The following PHACTR3 variants were observed in gnomAD, a reference collection of about 807,000 sequenced individuals.
PHACTR3 encodes phosphatase and actin regulator 3, also known as protein phosphatase 1, regulatory subunit 123.
PHACTR3 carries 16 observed loss-of-function variants against 66.8 expected under a neutral mutation model. The observed-to-expected ratio is 0.24, with a 90% CI of 0.16 to 0.36. PHACTR3 has a LOEUF of 0.36. Among genes scored for constraint, PHACTR3 ranks in the 10% least tolerant of loss-of-function variants. PHACTR3 has a pLI of 1.00. For missense variants in PHACTR3, 647 were observed against 719.9 expected, an observed-to-expected ratio of 0.90 and a Z score of 1.16; for synonymous variants, 323 against 292.1, an observed-to-expected ratio of 1.11 and a Z score of -1.08.
chr20:59,841,476 G>C lies in PHACTR3; in HGVS notation c.1528G>C (p.Ala510Pro). ...RFSDYVEVAK[A>P]QDYDRRADKP... ...CAGTGATTACGTGGAAGTAGCAAAA[G>C]CGCAGGACTATGACAGGAGGGCAGA... Residue 510 changes from alanine to proline, a missense_variant, in exon 11 of 13, where the codon GCG becomes CCG. Ala to Pro is a conservative substitution (Grantham distance 27, BLOSUM62 -1). Around this residue, in one of 2 missense-constraint regions of PHACTR3, gnomAD observed 70 missense variants for 148.8 expected, o/e 0.47. Coordinates refer to ENST00000371015, the MANE Select transcript of PHACTR3 (RefSeq NM_080672.5). 1 of 1,613,698 alleles carries C rather than the reference G, an allele frequency of 6.2e-7. No individual in the cohort carries two copies. Among genetic ancestry groups the C allele is most frequent in the Non-Finnish European group, 8.5e-7 (1 of 1,179,748 alleles).
intron 3 of PHACTR3, among the ~76,000 whole-genome samples, chr20:59,754,036 G>A (rs1337157672): frequency 1.3e-5 from 2 of 152,218 alleles, no homozygotes; most frequent in East Asian, 1.9e-4. Flanking sequence ...CCTCTGCACC[G>A]GGCCTCCAGG....
chr20:59,833,672 C>G (rs932300259), intron 8 of PHACTR3, among the ~76,000 whole-genome samples: 25 of 152,256 alleles, frequency 1.6e-4, no homozygotes, highest in African/African-American at 5.8e-4. Flanking sequence ...TATGGGTGTT[C>G]CTGGCTGGGC....
At chr20:59,814,808 C>G (rs1043629850) in intron 8 of PHACTR3, among the ~76,000 whole-genome samples, 1 of 152,114 alleles carries the variant, frequency 6.6e-6, no homozygotes, top group Non-Finnish European at 1.5e-5. Flanking sequence ...AAAGCACAAT[C>G]TGAAGACACT....
chr20:59,733,311 G>C (rs2038835361), intron 1 of PHACTR3, among the ~76,000 whole-genome samples: 1 of 152,032 alleles, frequency 6.6e-6, no homozygotes, highest in Non-Finnish European at 1.5e-5. Context: ...TTTTACATTT[G>C]GGAGATTGAA....
intron 1 of PHACTR3, among the ~76,000 whole-genome samples, chr20:59,579,283 T>C (rs1001298266): frequency 4.6e-5 from 7 of 152,248 alleles, no homozygotes; most frequent in African/African-American, 1.2e-4. Context: ...CTGCGGCCTC[T>C]GTCTAGGCCT....
chr20:59,779,579 C>A (rs1431331920), intron 7 of PHACTR3, among the ~76,000 whole-genome samples: 2 of 152,246 alleles, frequency 1.3e-5, no homozygotes, highest in African/African-American at 4.8e-5. Context: ...GCAACAACTA[C>A]TATTTTATTC....
At chr20:59,765,280 G>T (rs958070871) in intron 4 of PHACTR3, among the ~76,000 whole-genome samples, 2 of 152,174 alleles carry the variant, frequency 1.3e-5, no homozygotes, top group Non-Finnish European at 2.9e-5. Context: ...TTTTTAACAA[G>T]TAACACTTTT....
intron 1 of PHACTR3, chr20:59,628,767 T>C: frequency 2.0e-6 from 2 of 985,524 alleles, no homozygotes; most frequent in African/African-American, 1.7e-5. Flanking sequence ...CCTGGAAGGC[T>C]GGGAAGAGGA....
chr20:59,747,031 G>A (rs952285668), intron 2 of PHACTR3, among the ~76,000 whole-genome samples: 2 of 152,228 alleles, frequency 1.3e-5, no homozygotes, highest in South Asian at 2.1e-4. Flanking sequence ...CCTGACGGAA[G>A]GAAGAAGATG....
chr20:59,706,777 C>T (rs748089173), intron 1 of PHACTR3, among the ~76,000 whole-genome samples: 2 of 152,164 alleles, frequency 1.3e-5, no homozygotes, highest in Non-Finnish European at 2.9e-5. Context: ...TGTTTGAGCA[C>T]CCAGACTAGA....
intron 4 of PHACTR3, among the ~76,000 whole-genome samples, chr20:59,759,010 C>T (rs1601287843): frequency 1.3e-5 from 2 of 152,324 alleles, no homozygotes; most frequent in South Asian, 2.1e-4. Flanking sequence ...TCATCGTTGT[C>T]ATCGTCATTG....
At chr20:59,711,784 G>GT (rs1477862182) in intron 1 of PHACTR3, among the ~76,000 whole-genome samples, 5 of 152,136 alleles carry the variant, frequency 3.3e-5, no homozygotes, top group Non-Finnish European at 7.4e-5. Flanking sequence ...TAGAACCATC[G>GT]TAAGTCAGGG....
rs1568883579 is a variant in PHACTR3, at chr20:59,847,199, T to C, written c.*69T>C. On this transcript the variant is annotated 3_prime_UTR_variant, in exon 13 of 13. Coordinates refer to ENST00000371015, the MANE Select transcript of PHACTR3 (RefSeq NM_080672.5). Reference sequence around the variant, plus strand: ...AACACTGAACATTCATCAGGGAACTTTCCTGAAGTTCAGCTCAAGACTACC... The same window carrying C: ...AACACTGAACATTCATCAGGGAACTCTCCTGAAGTTCAGCTCAAGACTACC... 2 of 1,210,116 alleles carry C rather than the reference T, an allele frequency of 1.7e-6. No homozygotes were observed. Among genetic ancestry groups the C allele is most frequent in the Non-Finnish European group, 2.4e-6 (2 of 830,954 alleles). 75.0% of individuals were successfully genotyped at this position (1,210,116 alleles called of 1,614,324 possible).
Position 59,840,352 on chromosome 20 carries a change from A to AT in PHACTR3, c.1385-13dup. 1 of 1,597,012 alleles carries AT rather than the reference A, an allele frequency of 6.3e-7. No homozygotes were observed. The highest frequency in any genetic ancestry group is 8.5e-7 in the Non-Finnish European group (1 of 1,174,332). ...TTCTCTTTGTTATTTTTTTTTTCCT[A>AT]TTTTAATCTTTCACAGAAAGGAATG... is the stretch of plus-strand genomic sequence containing the variant. On this transcript the variant is annotated splice_polypyrimidine_tract_variant and intron_variant, in intron 9 of 12. Transcript: ENST00000371015.
intron 3 of PHACTR3, among the ~76,000 whole-genome samples, chr20:59,752,316 C>A (rs2039624122): frequency 6.6e-6 from 1 of 152,210 alleles, no homozygotes; most frequent in South Asian, 2.1e-4. Context: ...CAACACGTTC[C>A]CTCTCACTGT....
intron 8 of PHACTR3, among the ~76,000 whole-genome samples, chr20:59,835,435 C>T (rs2042498949): frequency 6.6e-6 from 1 of 152,120 alleles, no homozygotes; most frequent in Admixed American, 6.6e-5. Flanking sequence ...CCTAGGCTTT[C>T]TGCTGGGACA....
intron 1 of PHACTR3, among the ~76,000 whole-genome samples, chr20:59,659,139 G>A (rs572545696): frequency 7.0e-4 from 107 of 152,002 alleles, no homozygotes; most frequent in Middle Eastern, 3.4e-3. Context: ...CTGCTATCAC[G>A]ATTATTTCAA....
chr20:59,726,045 G>T (rs2038549978), intron 1 of PHACTR3, among the ~76,000 whole-genome samples: 1 of 152,222 alleles, frequency 6.6e-6, no homozygotes, highest in South Asian at 2.1e-4. Context: ...CAGCACGAGG[G>T]AGACGTGCTT....
At chr20:59,624,235 C>T (rs929701670) in intron 1 of PHACTR3, among the ~76,000 whole-genome samples, 8 of 152,152 alleles carry the variant, frequency 5.3e-5, no homozygotes, top group African/African-American at 1.4e-4. Context: ...GTACAGCATG[C>T]ACCAACCCCT....
Sources: gnomAD v4.1 joint callset for allele counts (sites outside exome capture counted in the v4.1 genomes callset) on GRCh38, gnomAD v4.1.1 for gene constraint, gnomAD v4.1.1 regional missense constraint, MANE v1.5 for transcripts, NCBI Gene and HGNC (gene_info 2026-07-23, HGNC 2026-07-21) for gene names.